KLC3: variants seen among roughly 807,000 people sequenced by gnomAD.
The protein encoded by KLC3 is kinesin light chain 3.
KLC3 carries 72 observed loss-of-function variants against 62.9 expected under a neutral mutation model. That is an observed-to-expected ratio of 1.15 (90% confidence interval 0.95 to 1.39). The LOEUF (loss-of-function observed/expected upper bound fraction) is 1.39. KLC3 is among the 40% of genes most tolerant of loss of function. KLC3 has a pLI of 0.00. For missense variants in KLC3, 848 were observed against 691.6 expected, an observed-to-expected ratio of 1.23 and a Z score of -2.54; for synonymous variants, 377 against 300.5, an observed-to-expected ratio of 1.25 and a Z score of -2.63.
At chr19:45,349,898 C>A (rs1173214373) in intron 8 of KLC3, 3 of 462,390 alleles carry the variant, frequency 6.5e-6, no homozygotes, top group African/African-American at 3.9e-5. Flanking sequence ...CCGGTCCCCA[C>A]ATCGCTAGTT....
At position 45,349,696 on chromosome 19, in the gene KLC3, TG is replaced by T. The variant is rs1555774260; in HGVS notation, c.1143+103del. Reference sequence around the variant, plus strand: ...GGATACAGGGTGAGCAACGTGAGGGTGGGGGGGGGCCCCCCAGGCCGGGCCC... The same window carrying T: ...GGATACAGGGTGAGCAACGTGAGGGTGGGGGGGGCCCCCCAGGCCGGGCCC... On this transcript the variant is annotated intron_variant, in intron 8 of 12. Transcript: ENST00000391946. 3,991 of 677,442 alleles carry T rather than the reference TG, an allele frequency of 5.9e-3. 22 individuals are homozygous for T. Among genetic ancestry groups the T allele is most frequent in the Middle Eastern group, 0.011 (20 of 1,882 alleles). 42.0% of individuals were successfully genotyped at this position (677,442 alleles called of 1,614,324 possible). A position where few individuals can be genotyped will look rare whatever the true frequency, so the allele number is the denominator to read the frequency against.
rs750192790 is a variant in KLC3 at position 45,346,712 on chromosome 19, G to A, written c.427G>A (p.Glu143Lys). ...SEESVAQLEE[E>K]KRHLEFLGQL... Reference sequence around the variant, plus strand: ...GGAGTCCGTGGCCCAGCTGGAGGAGGAGAAGCGCCACCTGGAGTTCCTGGG... The same window carrying A: ...GGAGTCCGTGGCCCAGCTGGAGGAGAAGAAGCGCCACCTGGAGTTCCTGGG... The change falls in exon 3 of 13, where the codon GAG becomes AAG. Residue 143 changes from glutamate (E) to lysine (K), a missense_variant. Transcript: ENST00000391946. 4 of 1,581,278 alleles carry A rather than the reference G, an allele frequency of 2.5e-6. No individual in the cohort carries two copies. Among genetic ancestry groups the A allele is most frequent in the Non-Finnish European group, 3.4e-6 (4 of 1,164,908 alleles).
At position 45,347,756 on chromosome 19, in the gene KLC3, G is replaced by A. The variant is rs561239221; in HGVS notation, c.560-185G>A. Among the ~76,000 whole-genome samples, 40 of 152,264 alleles carry A rather than the reference G, an allele frequency of 2.6e-4. 1 individual carries two copies. The South Asian group carries it at 7.5e-3, about 28-fold the overall frequency. Reference sequence around the variant, plus strand: ...AGGTGGGCTGCCGTGTTCCTGTCCCGAGGCCAGGATGCATCCCACCAGCTG... The same window carrying A: ...AGGTGGGCTGCCGTGTTCCTGTCCCAAGGCCAGGATGCATCCCACCAGCTG... On this transcript the variant is annotated intron_variant, in intron 4 of 12. Transcript: ENST00000391946.
rs927477032 is a variant in KLC3 at position 45,348,717 on chromosome 19, G to A, written c.851G>A (p.Gly284Asp). Residue 284 changes from glycine to aspartate, a missense_variant, in exon 6 of 13, where the codon GGC becomes GAC. By Grantham distance (94) the Gly-to-Asp change is moderately conservative. Coordinates refer to ENST00000391946, the MANE Select transcript of KLC3 (RefSeq NM_177417.3). ...DALQIREQTL[G>D]PEHPAVAATL... ...CTGCAGATCCGGGAGCAGACGCTGG[G>A]CCCTGAGCACCCCGCGGTGAGTGGG... 5.0e-6 allele frequency: 8 copies of A among 1,592,806 alleles called. No homozygotes were observed. Among genetic ancestry groups the A allele is most frequent in the African/African-American group, 1.3e-5 (1 of 74,528 alleles).
In KLC3 at chr19:45,349,547, A is replaced by T. The variant is rs1342582272; in HGVS notation, c.1088A>T (p.Tyr363Phe). The T allele has an allele frequency of 6.2e-7, 1 of 1,613,752 alleles. No individual in the cohort carries two copies. The highest frequency in any genetic ancestry group is 1.7e-5 in the Admixed American group (1 of 59,994). The change falls in exon 8 of 13, where the codon TAT (tyrosine) becomes TTT (phenylalanine). Residue 363 changes from tyrosine to phenylalanine, a missense_variant. Physicochemically the swap from Tyr to Phe is conservative, Grantham distance 22. Transcript: ENST00000391946. ...ERHYARALSI[Y>F]EALGGPHDPN... ...CACTATGCCCGGGCCCTGAGCATCT[A>T]TGAGGCACTGGGCGGGCCCCATGAC...
rs1271185200 is a variant in KLC3, at chr19:45,349,591, A to G, written c.1132A>G (p.Lys378Glu). ...CCATGACCCCAACGTGGCCAAGACC[A>G]AGAACAACCTGGTGAGGCCCCTGGG... is the stretch of plus-strand genomic sequence containing the variant. ...GPHDPNVAKT[K>E]NNLASAYLKQ... The change falls in exon 8 of 13, where the codon AAG becomes GAG. Residue 378 changes from lysine to glutamate, a missense_variant. Lys to Glu is a moderately conservative substitution (Grantham distance 56, BLOSUM62 1). Transcript: ENST00000391946. 6.2e-7 allele frequency: 1 copy of G among 1,610,510 alleles called. No individual in the cohort carries two copies. The highest frequency in any genetic ancestry group is 1.7e-5 in the Admixed American group (1 of 59,816).
chr19:45,341,722 G>A (rs1262276360), intron 1 of KLC3, among the ~76,000 whole-genome samples: 1 of 150,264 alleles, frequency 6.7e-6, no homozygotes, highest in Admixed American at 6.6e-5. Context: ...GACGGTGCGC[G>A]TGGAACCTTG....
In KLC3 at chr19:45,345,518, C is replaced by T; in HGVS notation, c.-8-16C>T. ...CCGGGCAATGATTCCCCAAACCCCTCACCATTGCTCCCCAGGAGCAGCAAT... is the reference window on the plus strand; with the variant it reads ...CCGGGCAATGATTCCCCAAACCCCTTACCATTGCTCCCCAGGAGCAGCAAT... On this transcript the variant is annotated splice_polypyrimidine_tract_variant and intron_variant, in intron 1 of 12. Coordinates refer to ENST00000391946, the MANE Select transcript of KLC3 (RefSeq NM_177417.3). 6.4e-7 allele frequency: 1 copy of T among 1,556,760 alleles called. No individual in the cohort carries two copies. Among genetic ancestry groups the T allele is most frequent in the Non-Finnish European group, 8.7e-7 (1 of 1,150,792 alleles).
chr19:45,350,947 T>C lies in KLC3; in HGVS notation c.1380-7T>C. The C allele has an allele frequency of 6.2e-7, 1 of 1,613,878 alleles. No individual in the cohort carries two copies. The highest frequency in any genetic ancestry group is 8.5e-7 in the Non-Finnish European group (1 of 1,179,854). On this transcript the variant is annotated splice_polypyrimidine_tract_variant and splice_region_variant and intron_variant, in intron 11 of 12. Coordinates refer to ENST00000391946, the MANE Select transcript of KLC3 (RefSeq NM_177417.3). Reference sequence around the variant, plus strand: ...CACTCATTTCCTCCCTGCTGCCCTCTTTGCAGAATGAAGAGAGCCATGTCA... The same window carrying C: ...CACTCATTTCCTCCCTGCTGCCCTCCTTGCAGAATGAAGAGAGCCATGTCA...
Position 45,351,321 on chromosome 19 carries a change from C to T in KLC3, c.1479C>T (p.Thr493=), listed in dbSNP as rs776113824. The change falls in exon 13 of 13, where the codon ACC becomes ACT. Residue 493 remains threonine, a synonymous_variant. Coordinates refer to ENST00000391946, the MANE Select transcript of KLC3 (RefSeq NM_177417.3). ...PSWHLDKAPR[T]LSASTQDLSP... Reference sequence around the variant, plus strand: ...GGCACCTGGACAAGGCCCCTCGGACCCTCAGCGCCAGCACCCAGGACCTGA... The same window carrying T: ...GGCACCTGGACAAGGCCCCTCGGACTCTCAGCGCCAGCACCCAGGACCTGA... 5 of 1,612,188 alleles carry T rather than the reference C, an allele frequency of 3.1e-6. No homozygotes were observed. The highest frequency in any genetic ancestry group is 1.7e-5 in the Admixed American group (1 of 60,014).
intron 12 of KLC3, 61 bp from the exon 13 acceptor site, chr19:45,351,225 A>AG: frequency 6.3e-7 from 1 of 1,591,062 alleles, no homozygotes; most frequent in African/African-American, 1.3e-5. Flanking sequence ...CTGGAGCTGG[A>AG]GGGTGGATGT....
chr19:45,346,365 CAG>C (rs1271746729), intron 2 of KLC3, among the ~76,000 whole-genome samples, 177 bp from the exon 3 acceptor site: 4 of 152,124 alleles, frequency 2.6e-5, no homozygotes, highest in Non-Finnish European at 5.9e-5. Flanking sequence ...GGGGTAAAAT[CAG>C]AGGGGCCCCT....
At chr19:45,350,807 AC>A in intron 11 of KLC3, 60 bp downstream of exon 11, 5 of 526,718 alleles carry the variant, frequency 9.5e-6, no homozygotes, top group Non-Finnish European at 1.1e-5. Flanking sequence ...AGCCCACCCC[AC>A]CCCCACCCCC....
In KLC3 at chr19:45,349,471, A is replaced by C. The variant is rs1321985941; in HGVS notation, c.1012A>C (p.Asn338His). Residue 338 changes from asparagine (N) to histidine (H), a missense_variant, in exon 8 of 13, where the codon AAC becomes CAC. By Grantham distance (68) the Asn-to-His change is moderately conservative (BLOSUM62 1). Transcript: ENST00000391946. Reference sequence around the variant, plus strand: ...CCCAGATGTGGCCAAGCAGCTCAACAACCTGGCCCTGCTGTGCCAGAACCA... The same window carrying C: ...CCCAGATGTGGCCAAGCAGCTCAACCACCTGGCCCTGCTGTGCCAGAACCA... Reference protein sequence around the residue: ...DHPDVAKQLNNLALLCQNQGK... With the variant: ...DHPDVAKQLNHLALLCQNQGK... 6.2e-7 allele frequency: 1 copy of C among 1,613,498 alleles called. No homozygotes were observed. Among genetic ancestry groups the C allele is most frequent in the Non-Finnish European group, 8.5e-7 (1 of 1,179,652 alleles).
chr19:45,349,004 C>T (rs1599712057), intron 7 of KLC3, 83 bp downstream of exon 7: 1 of 1,249,718 alleles, frequency 8.0e-7, no homozygotes, highest in East Asian at 2.5e-5. Flanking sequence ...ACATCGTGAC[C>T]CTGACCCTCG....
intron 1 of KLC3, 147 bp from the exon 2 acceptor site, chr19:45,345,387 C>A: frequency 2.0e-6 from 2 of 1,004,262 alleles, no homozygotes; most frequent in Non-Finnish European, 1.5e-6. Flanking sequence ...GGTGTGGAGG[C>A]AGAGGGCTGG....
chr19:45,347,029 C>T (rs1485787817), intron 3 of KLC3: 12 of 486,936 alleles, frequency 2.5e-5, no homozygotes, highest in Admixed American at 3.7e-5. Context: ...CTCTGACGCT[C>T]GTGACCACCA....
intron 1 of KLC3, among the ~76,000 whole-genome samples, chr19:45,341,539 GTCTT>G (rs1971393763): frequency 6.6e-6 from 1 of 150,492 alleles, no homozygotes; most frequent in Admixed American, 6.7e-5. Context: ...GGCTGTGGTT[GTCTT>G]TCTGCCTGTT....
In KLC3 at chr19:45,347,895, G is replaced by A. The variant is rs747793926; in HGVS notation, c.560-46G>A. The A allele has an allele frequency of 4.6e-5, 68 of 1,478,890 alleles. No individual in the cohort carries two copies. The East Asian group carries it at 1.6e-3, about 34-fold the overall frequency. 91.6% of individuals were successfully genotyped at this position (1,478,890 alleles called of 1,614,324 possible). A position where few individuals can be genotyped will look rare whatever the true frequency, so the allele number is the denominator to read the frequency against. ...CGTGTCCCCTCATGCGAGGCTGGAG[G>A]GGCAGGAGGCTTGCAGTGACCCAGA... On this transcript the variant is annotated intron_variant, in intron 4 of 12. Coordinates refer to ENST00000391946, the MANE Select transcript of KLC3 (RefSeq NM_177417.3).
Sources: gnomAD v4.1 joint callset for allele counts (sites outside exome capture counted in the v4.1 genomes callset) on GRCh38, gnomAD v4.1.1 for gene constraint, MANE v1.5 for transcripts, NCBI Gene and HGNC (gene_info 2026-07-23, HGNC 2026-07-21) for gene names.